CLBA1: variants seen among roughly 807,000 people sequenced by gnomAD.
CLBA1 encodes the protein clathrin binding box of aftiphilin containing 1.
A neutral mutation model predicts 28.8 loss-of-function variants in CLBA1; 30 were observed. The ratio of observed to expected loss-of-function variants is 1.04; its 90% CI spans 0.78 to 1.41. The LOEUF is 1.41. CLBA1 is among the 40% of genes most tolerant of loss of function. The pLI is 0.00. For missense variants in CLBA1, 451 were observed against 412.3 expected, an observed-to-expected ratio of 1.09 and a Z score of -0.81; for synonymous variants, 160 against 152.8, an observed-to-expected ratio of 1.05 and a Z score of -0.35.
intron 3 of CLBA1, among the ~76,000 whole-genome samples, chr14:104,992,347 C>T (rs941333843): frequency 2.0e-5 from 3 of 152,242 alleles, no homozygotes; most frequent in Admixed American, 2.0e-4. Context: ...ATAGGGAGGG[C>T]CGCCTTTTCA....
chr14:104,986,923 G>A (rs865968469), intron 1 of CLBA1, 69 bp downstream of exon 1: 2 of 1,533,130 alleles, frequency 1.3e-6, no homozygotes, highest in Middle Eastern at 1.7e-4. Flanking sequence ...TACAGCCCTC[G>A]AATGCTGTGG....
chr14:104,989,342 C>T (rs1477129609), intron 2 of CLBA1: 3 of 471,114 alleles, frequency 6.4e-6, no homozygotes, highest in African/African-American at 5.9e-5. Flanking sequence ...AAGCCCAGCT[C>T]CCCTTGGGTC....
intron 4 of CLBA1, 36 bp downstream of exon 4, chr14:104,993,100 C>G: frequency 6.3e-7 from 1 of 1,593,710 alleles, no homozygotes; most frequent in Non-Finnish European, 8.6e-7. Context: ...CAGGGAACCG[C>G]GCTGGCGGTG....
At position 104,991,617 on chromosome 14, in the gene CLBA1, G is replaced by A; in HGVS notation, c.696G>A (p.Gln232=). The part of the protein sequence containing the change: ...FFLVLGIDAA[Q]KNLSGGQGHI... ...TTGTTCTCGGAATAGATGCTGCGCA[G>A]AAGGTAGGCGGTTTGGGTTGACACA... is the stretch of plus-strand genomic sequence containing the variant. Residue 232 remains glutamine (Q), a synonymous_variant, in exon 3 of 5, where the codon CAG becomes CAA. Transcript: ENST00000547315. 1 of 1,609,268 alleles carries A rather than the reference G, an allele frequency of 6.2e-7. No homozygotes were observed. Among genetic ancestry groups the A allele is most frequent in the Non-Finnish European group, 8.5e-7 (1 of 1,177,570 alleles).
downstream of CLBA1, among the ~76,000 whole-genome samples, chr14:104,998,185 T>C (rs1311100395): frequency 3.3e-5 from 5 of 151,932 alleles, no homozygotes; most frequent in African/African-American, 7.3e-5. Flanking sequence ...GGTGGAAGGA[T>C]TGCTTGAGGC....
chr14:104,988,914 T>G, intron 1 of CLBA1, 29 bp from the exon 2 acceptor site: 3 of 1,571,854 alleles, frequency 1.9e-6, no homozygotes, highest in Non-Finnish European at 2.6e-6. Flanking sequence ...TCTCCTAACT[T>G]TGGTATGCTT....
At chr14:104,995,765 A>T (rs1214851150), downstream of CLBA1, among the ~76,000 whole-genome samples, 1 of 152,246 alleles carries the variant, frequency 6.6e-6, no homozygotes, top group Non-Finnish European at 1.5e-5. Flanking sequence ...ACCCAGCTGC[A>T]TAGCCAGCAC....
Position 104,991,607 on chromosome 14 carries a change from A to T in CLBA1, c.686A>T (p.Asp229Val). 2 of 1,612,400 alleles carry T rather than the reference A, an allele frequency of 1.2e-6. No individual in the cohort carries two copies. The highest frequency in any genetic ancestry group is 1.7e-4 in the Middle Eastern group (1 of 6,032). ...AACTTCTTTCTTGTTCTCGGAATAG[A>T]TGCTGCGCAGAAGGTAGGCGGTTTG... is the stretch of plus-strand genomic sequence containing the variant. ...QENFFLVLGIDAAQKNLSGGQ... is the reference protein window; with the variant it reads ...QENFFLVLGIVAAQKNLSGGQ... Residue 229 changes from aspartate to valine, a missense_variant, in exon 3 of 5, where the codon GAT (aspartate) becomes GTT (valine). Asp to Val is a radical substitution (Grantham distance 152, BLOSUM62 -3). Transcript: ENST00000547315.
intron 1 of CLBA1, among the ~76,000 whole-genome samples, chr14:104,988,353 G>A (rs1400449864): frequency 3.3e-5 from 3 of 90,948 alleles, no homozygotes; most frequent in Non-Finnish European, 6.2e-5. Context: ...TTTTTTTTGA[G>A]ACGGAGTCTC....
downstream of CLBA1, among the ~76,000 whole-genome samples, chr14:104,997,615 T>C (rs1002430911): frequency 6.6e-5 from 10 of 152,110 alleles, no homozygotes; most frequent in Non-Finnish European, 1.5e-4. Context: ...GAAGCAACGA[T>C]AGGAACAATG....
At chr14:104,991,321 G>A (rs1900011722) in intron 2 of CLBA1, 170 bp from the exon 3 acceptor site, 2 of 679,194 alleles carry the variant, frequency 2.9e-6, no homozygotes, top group Non-Finnish European at 4.7e-6. Context: ...ACTGTGCCCA[G>A]CCCGGGAACA....
rs374688933 is a variant in CLBA1 at position 104,986,135 on chromosome 14, C to T, written c.-297C>T. The T allele has an allele frequency of 1.1e-4, 51 of 467,686 alleles. No individual in the cohort carries two copies. The highest frequency in any genetic ancestry group is 6.2e-4 in the African/African-American group (32 of 51,262). 29.0% of individuals were successfully genotyped at this position (467,686 alleles called of 1,614,324 possible). A position where few individuals can be genotyped will look rare whatever the true frequency, so the allele number is the denominator to read the frequency against. On this transcript the variant is annotated 5_prime_UTR_variant, in exon 1 of 5. Transcript: ENST00000547315. ...GCAGGAGCCCCACCTTGGGCCGCCCCTCTCACACCTGCCGTGGGTCTGGTA... is the reference window on the plus strand; with the variant it reads ...GCAGGAGCCCCACCTTGGGCCGCCCTTCTCACACCTGCCGTGGGTCTGGTA...
At chr14:104,986,960 G>A in intron 1 of CLBA1, 106 bp downstream of exon 1, 1 of 1,322,060 alleles carries the variant, frequency 7.6e-7, no homozygotes. Flanking sequence ...GGGGCTGACA[G>A]CCCCAGAGCG....
At chr14:104,991,958 GCA>G (rs980329770) in intron 3 of CLBA1, among the ~76,000 whole-genome samples, 2 of 149,062 alleles carry the variant, frequency 1.3e-5, no homozygotes, top group Non-Finnish European at 1.5e-5. Context: ...ACGCCGCCAC[GCA>G]CACGCCGCCA....
chr14:104,993,739 C>G, intron 4 of CLBA1: 1 of 985,436 alleles, frequency 1.0e-6, no homozygotes, highest in Non-Finnish European at 1.2e-6. Flanking sequence ...CACCTGGTTT[C>G]CTGCTCACCC....
At chr14:104,990,107 G>A (rs140146091) in intron 2 of CLBA1, 38 of 193,038 alleles carry the variant, frequency 2.0e-4, no homozygotes, top group African/African-American at 6.8e-4. Flanking sequence ...GCAAGCTGAC[G>A]GTGGGGGTGG....
downstream of CLBA1, among the ~76,000 whole-genome samples, chr14:104,998,415 T>TA (rs60067779): frequency 0.52 from 76,208 of 146,434 alleles, 21,124 homozygotes; most frequent in Middle Eastern, 0.65. Flanking sequence ...CCCTATCTCT[T>TA]AAAAAAAAAA....
chr14:104,988,619 G>C (rs539255034), intron 1 of CLBA1, among the ~76,000 whole-genome samples: 1 of 152,182 alleles, frequency 6.6e-6, no homozygotes, highest in Non-Finnish European at 1.5e-5. Flanking sequence ...GATTACAGGC[G>C]TGAGCCACCG....
chr14:104,993,259 TATAA>T, intron 4 of CLBA1, 195 bp downstream of exon 4: 2 of 985,358 alleles, frequency 2.0e-6, no homozygotes, highest in Non-Finnish European at 2.4e-6. Context: ...TGCCAAGGAA[TATAA>T]ATACCATCCG....
Sources: gnomAD v4.1 joint callset for allele counts (sites outside exome capture counted in the v4.1 genomes callset) on GRCh38, gnomAD v4.1.1 for gene constraint, MANE v1.5 for transcripts, NCBI Gene and HGNC (gene_info 2026-07-23, HGNC 2026-07-21) for gene names.